The following ZDHHC21 variants were observed in gnomAD, a reference collection of about 807,000 sequenced individuals.
The protein encoded by ZDHHC21 is palmitoyltransferase ZDHHC21.
A neutral mutation model predicts 34.6 loss-of-function variants in ZDHHC21; 15 were observed. The ratio of observed to expected loss-of-function variants is 0.43; its 90% CI spans 0.29 to 0.67. The LOEUF is 0.67. Ranked by LOEUF, ZDHHC21 falls within the 30% of genes least tolerant of loss-of-function variation. The probability of loss-of-function intolerance (pLI) is 0.14; values close to 1 mark genes in which losing one functional copy is unlikely to be tolerated. For missense variants in ZDHHC21, 344 were observed against 327.7 expected (o/e 1.05, Z -0.38); for synonymous variants, 142 against 101.8 (o/e 1.40, Z -2.38).
the ZDHHC21 span, among the ~76,000 whole-genome samples, chr9:14,597,137 G>C: frequency 2.6e-5 from 4 of 152,068 alleles, no homozygotes; most frequent in African/African-American, 9.7e-5. Flanking sequence ...TCCAGAGAGG[G>C]AGTTTGTTTT....
At chr9:14,661,962 C>A (rs1420003245) in intron 6 of ZDHHC21, among the ~76,000 whole-genome samples, 1 of 152,050 alleles carries the variant, frequency 6.6e-6, no homozygotes, top group Non-Finnish European at 1.5e-5. Flanking sequence ...CCACCTTAAT[C>A]CTTTTGTATA....
intron 8 of ZDHHC21, among the ~76,000 whole-genome samples, chr9:14,623,120 A>AT (rs1164048787): frequency 2.6e-5 from 4 of 151,460 alleles, no homozygotes. Context: ...CTGGATAAGG[A>AT]TTTTTTAGGT....
intron 5 of ZDHHC21, among the ~76,000 whole-genome samples, 173 bp from the exon 6 acceptor site, chr9:14,662,499 CA>C (rs1833594706): frequency 6.6e-6 from 1 of 152,110 alleles, no homozygotes; most frequent in Non-Finnish European, 1.5e-5. Context: ...TTCTATTCTA[CA>C]TATGTCTTAT....
chr9:14,665,614 C>G (rs2058219697), intron 5 of ZDHHC21, among the ~76,000 whole-genome samples: 1 of 144,532 alleles, frequency 6.9e-6, no homozygotes, highest in African/African-American at 2.6e-5. Context: ...TCGGGTTACC[C>G]TCAAAGGGAA....
chr9:14,611,478 G>C lies in ZDHHC21; in HGVS notation c.*7488C>G, dbSNP rs1315633519. On this transcript the variant is annotated 3_prime_UTR_variant, in exon 10 of 10. Transcript: ENST00000380916. ...GGGGAAAGACAAGGTAAAAATAATA[G>C]ACAATGCAAGGAAAACAGCACTCAG... is the stretch of plus-strand genomic sequence containing the variant. 1.3e-5 allele frequency: 2 copies of C among 151,894 alleles called. No individual in the cohort carries two copies. The highest frequency in any genetic ancestry group is 2.9e-5 in the Non-Finnish European group (2 of 67,924). The allele number at this position is 151,894 out of a possible 1,614,324, so 9.4% of individuals were successfully genotyped here.
chr9:14,609,508 T>C (rs1051589078), downstream of ZDHHC21, among the ~76,000 whole-genome samples: 1 of 152,084 alleles, frequency 6.6e-6, no homozygotes, highest in African/African-American at 2.4e-5. Context: ...ATTCAAGCTT[T>C]CACATGAAAA....
At chr9:14,648,708 G>C (rs1032194877) in intron 7 of ZDHHC21, among the ~76,000 whole-genome samples, 1 of 152,042 alleles carries the variant, frequency 6.6e-6, no homozygotes, top group Non-Finnish European at 1.5e-5. Flanking sequence ...CAGGAACTTT[G>C]TTTTAGAGCC....
chr9:14,668,494 AG>A (rs1394480775), intron 5 of ZDHHC21, among the ~76,000 whole-genome samples: 12 of 82,890 alleles, frequency 1.4e-4, no homozygotes, highest in African/African-American at 5.6e-4. Flanking sequence ...AGAATTGGAA[AG>A]AACTACTTTA....
the ZDHHC21 span, among the ~76,000 whole-genome samples, chr9:14,592,296 A>T: frequency 5.8e-4 from 89 of 152,172 alleles, no homozygotes; most frequent in Middle Eastern, 0.014. Flanking sequence ...TAATTCGGTA[A>T]AATACAGAAA....
At chr9:14,624,936 A>G (rs1191282565) in intron 8 of ZDHHC21, among the ~76,000 whole-genome samples, 1 of 152,114 alleles carries the variant, frequency 6.6e-6, no homozygotes, top group Non-Finnish European at 1.5e-5. Flanking sequence ...TTATATATCA[A>G]TCAAAAATTT....
Position 14,687,508 on chromosome 9 carries a change from C to A in ZDHHC21, c.-176+2829G>T, listed in dbSNP as rs904469971. Among the ~76,000 whole-genome samples, 11 of 150,354 alleles carry A rather than the reference C, an allele frequency of 7.3e-5. 1 individual carries two copies. The highest frequency in any genetic ancestry group is 1.3e-4 in the African/African-American group (5 of 39,828). On this transcript the variant is annotated intron_variant, in intron 2 of 9. Coordinates refer to ENST00000380916, the MANE Select transcript of ZDHHC21 (RefSeq NM_178566.6). The stretch of plus-strand genomic sequence containing the variant: ...CAACATGTTAAAACCCCGTCTCTAC[C>A]AAAAATACAACAATTAGCCAGGCAT...
chr9:14,675,289 T>C (rs1416622201), intron 3 of ZDHHC21, among the ~76,000 whole-genome samples: 1 of 151,908 alleles, frequency 6.6e-6, no homozygotes, highest in Non-Finnish European at 1.5e-5. Context: ...AAATAATAAA[T>C]TGCTGTATAA....
At chr9:14,660,217 T>C (rs1189505069) in intron 6 of ZDHHC21, among the ~76,000 whole-genome samples, 3 of 151,536 alleles carry the variant, frequency 2.0e-5, no homozygotes, top group Admixed American at 6.6e-5. Context: ...AATACAAAAA[T>C]TAGCCAAGCA....
rs766038748 is a variant in ZDHHC21, at chr9:14,662,256, G to A, written c.324C>T (p.Arg108=). The part of the protein sequence containing the change: ...MRPKRSHHCS[R]CGHCVRRMDH... ...CCATTCTCCTCACACAGTGGCCGCAGCGGCTACAGTGATGGGAACGCTTTG... is the reference window on the plus strand; with the variant it reads ...CCATTCTCCTCACACAGTGGCCGCAACGGCTACAGTGATGGGAACGCTTTG... Residue 108 remains arginine, a synonymous_variant, in exon 6 of 10, where the codon CGC becomes CGT. Transcript: ENST00000380916. 6.0e-5 allele frequency: 96 copies of A among 1,612,936 alleles called. No individual in the cohort carries two copies. The highest frequency in any genetic ancestry group is 6.6e-5 in the South Asian group (6 of 90,914).
At chr9:14,681,339 C>T (rs1256833689) in intron 2 of ZDHHC21, among the ~76,000 whole-genome samples, 2 of 152,164 alleles carry the variant, frequency 1.3e-5, no homozygotes, top group East Asian at 3.8e-4. Flanking sequence ...CCTGCCTCAG[C>T]CTCCTGAGTC....
At position 14,616,010 on chromosome 9, in the gene ZDHHC21, C is replaced by A. The variant is rs1824086508; in HGVS notation, c.*2956G>T. The A allele has an allele frequency of 6.6e-6, 1 of 151,192 alleles. No individual in the cohort carries two copies. The highest frequency in any genetic ancestry group is 2.4e-5 in the African/African-American group (1 of 41,152). 9.4% of individuals were successfully genotyped at this position (151,192 alleles called of 1,614,324 possible). On this transcript the variant is annotated 3_prime_UTR_variant, in exon 10 of 10. Coordinates refer to ENST00000380916, the MANE Select transcript of ZDHHC21 (RefSeq NM_178566.6). ...TGTTACTAAAACTATAGATATAACT[C>A]TGCGAAATGTAAAAAAAAGAACAAA...
At chr9:14,690,913 T>C (rs1186282831) in intron 1 of ZDHHC21, among the ~76,000 whole-genome samples, 1 of 152,228 alleles carries the variant, frequency 6.6e-6, no homozygotes, top group Non-Finnish European at 1.5e-5. Flanking sequence ...TTGCCTATTA[T>C]ATTTAATGCA....
chr9:14,629,466 TC>T (rs1471315639), intron 8 of ZDHHC21, among the ~76,000 whole-genome samples: 2 of 152,164 alleles, frequency 1.3e-5, no homozygotes, highest in Non-Finnish European at 2.9e-5. Flanking sequence ...CAGGTTTGGT[TC>T]TAAACAATGA....
chr9:14,625,040 G>A (rs1825971042), intron 8 of ZDHHC21, among the ~76,000 whole-genome samples: 2 of 151,916 alleles, frequency 1.3e-5, no homozygotes, highest in Non-Finnish European at 2.9e-5. Context: ...TTCTAAGAAA[G>A]ACTTTCATTT....
Sources: allele counts gnomAD v4.1 joint callset (sites outside exome capture counted in the v4.1 genomes callset), GRCh38; gene constraint gnomAD v4.1.1; transcripts MANE v1.5; gene names NCBI Gene and HGNC (gene_info 2026-07-23, HGNC 2026-07-21).